The following CSNK2A2 variants were observed in gnomAD, a reference collection of about 807,000 sequenced individuals.
CSNK2A2 encodes the protein casein kinase 2 alpha 2, also known as casein kinase II subunit alpha'.
CSNK2A2 carries 8 observed loss-of-function variants against 54.0 expected under a neutral mutation model. That is an observed-to-expected ratio of 0.15 (90% CI 0.09 to 0.27). The LOEUF is 0.27. Among genes scored for constraint, CSNK2A2 ranks in the 10% least tolerant of loss-of-function variants. The pLI, the probability that CSNK2A2 is intolerant of heterozygous loss-of-function variation, is 1.00. For missense variants in CSNK2A2, 242 were observed against 439.4 expected, an observed-to-expected ratio of 0.55 and a Z score of 4.02; for synonymous variants, 141 against 153.9, an observed-to-expected ratio of 0.92 and a Z score of 0.62.
chr16:58,168,485 C>A, intron 6 of CSNK2A2, 125 bp downstream of exon 6: 1 of 649,362 alleles, frequency 1.5e-6, no homozygotes, highest in South Asian at 1.9e-5. Flanking sequence ...TGGGAGAAAT[C>A]ACAGTAACGA....
At chr16:58,168,423 G>A (rs1036549503) in intron 6 of CSNK2A2, among the ~76,000 whole-genome samples, 187 bp downstream of exon 6, 6 of 152,148 alleles carry the variant, frequency 3.9e-5, no homozygotes, top group South Asian at 2.1e-4. Context: ...TAGTTAAACC[G>A]TCTACTTTCC....
intron 11 of CSNK2A2, among the ~76,000 whole-genome samples, chr16:58,158,682 G>A (rs1176615254): frequency 1.3e-5 from 2 of 152,180 alleles, no homozygotes; most frequent in East Asian, 3.9e-4. Context: ...AGAGCCTCTT[G>A]ACCATTCTGT....
chr16:58,180,754 C>T (rs576701279), intron 4 of CSNK2A2, among the ~76,000 whole-genome samples: 5 of 152,186 alleles, frequency 3.3e-5, no homozygotes, highest in Admixed American at 2.6e-4. Flanking sequence ...GAATGGGCTG[C>T]GGGCTGCATC....
At chr16:58,168,515 C>A in intron 6 of CSNK2A2, 95 bp downstream of exon 6, 1 of 989,766 alleles carries the variant, frequency 1.0e-6, no homozygotes. Flanking sequence ...AAAAAACCCA[C>A]CACGGGTCTA....
chr16:58,182,765 C>T (rs1266710624), intron 4 of CSNK2A2, among the ~76,000 whole-genome samples: 1 of 152,162 alleles, frequency 6.6e-6, no homozygotes, highest in Non-Finnish European at 1.5e-5. Context: ...GACATGCACA[C>T]ACATTCCCAC....
intron 2 of CSNK2A2, among the ~76,000 whole-genome samples, chr16:58,195,309 CTT>C (rs1217983818): frequency 6.6e-6 from 1 of 152,132 alleles, no homozygotes; most frequent in Non-Finnish European, 1.5e-5. Flanking sequence ...ACACAAATAA[CTT>C]TGCTTTTTCT....
intron 2 of CSNK2A2, among the ~76,000 whole-genome samples, chr16:58,191,920 A>G (rs547205786): frequency 6.6e-6 from 1 of 152,322 alleles, no homozygotes; most frequent in African/African-American, 2.4e-5. Context: ...CAAGGCACAG[A>G]GAACTTAAGT....
At position 58,189,213 on chromosome 16, in the gene CSNK2A2, C is replaced by T. The variant is rs574026070; in HGVS notation, c.217-2357G>A. ...TCAGGTGATCCGCCTGCCTCAGCCTCCCAAAGTGCTGGGATTACAGGCATG... is the reference window on the plus strand; with the variant it reads ...TCAGGTGATCCGCCTGCCTCAGCCTTCCAAAGTGCTGGGATTACAGGCATG... On this transcript the variant is annotated intron_variant, in intron 2 of 11. Coordinates refer to ENST00000262506, the MANE Select transcript of CSNK2A2 (RefSeq NM_001896.4). 7.9e-5 allele frequency among the ~76,000 whole-genome samples: 12 copies of T among 152,252 alleles called. No individual in the cohort carries two copies. The South Asian group carries it at 2.5e-3, about 32-fold the overall frequency.
chr16:58,175,909 T>C (rs1217255543), intron 4 of CSNK2A2, among the ~76,000 whole-genome samples: 1 of 152,198 alleles, frequency 6.6e-6, no homozygotes, highest in Non-Finnish European at 1.5e-5. Flanking sequence ...CTGACCCCCA[T>C]TCAGGCAGAA....
In CSNK2A2 at chr16:58,194,662, A is replaced by G. The variant is rs191956061; in HGVS notation, c.216+2071T>C. 4.3e-3 allele frequency among the ~76,000 whole-genome samples: 656 copies of G among 152,344 alleles called. 4 individuals carry two copies. The highest frequency in any genetic ancestry group is 7.7e-3 in the South Asian group (37 of 4,832). ...CCAGTGCTAAAATGAACAGTAAGAG[A>G]TATGAAGAAATAGGAAACAGGAGTT... On this transcript the variant is annotated intron_variant, in intron 2 of 11. Transcript: ENST00000262506.
At chr16:58,180,665 C>T (rs1962013240) in intron 4 of CSNK2A2, among the ~76,000 whole-genome samples, 1 of 151,994 alleles carries the variant, frequency 6.6e-6, no homozygotes, top group Admixed American at 6.6e-5. Flanking sequence ...TGATAGCAAA[C>T]TTAGAGAAGG....
chr16:58,184,022 A>G (rs1597121147), intron 4 of CSNK2A2, among the ~76,000 whole-genome samples: 1 of 152,190 alleles, frequency 6.6e-6, no homozygotes, highest in Non-Finnish European at 1.5e-5. Context: ...ATTAGCTTAG[A>G]CCCAGCCGAG....
intron 2 of CSNK2A2, among the ~76,000 whole-genome samples, chr16:58,193,964 T>C (rs1962374170): frequency 6.6e-6 from 1 of 152,240 alleles, no homozygotes; most frequent in African/African-American, 2.4e-5. Flanking sequence ...TTTTAGCAGC[T>C]CATTTTTGAT....
chr16:58,197,534 G>T lies in CSNK2A2; in HGVS notation c.104+99C>A. On this transcript the variant is annotated intron_variant, in intron 1 of 11. Coordinates refer to ENST00000262506, the MANE Select transcript of CSNK2A2 (RefSeq NM_001896.4). This position sits in a 1 kb window ranked among gnomAD's most constrained non-coding sequence, Gnocchi z 4.0. ...TGCCTCCCTGCGGGCCCGCGGAGGG[G>T]TCGGCGGGAGACACCACCGGGCCCG... is the stretch of plus-strand genomic sequence containing the variant. 1 of 655,728 alleles carries T rather than the reference G, an allele frequency of 1.5e-6. No individual in the cohort carries two copies. Among genetic ancestry groups the T allele is most frequent in the African/African-American group, 2.0e-5 (1 of 50,788 alleles). 40.6% of individuals were successfully genotyped at this position (655,728 alleles called of 1,614,324 possible).
chr16:58,166,060 G>A (rs893225452), intron 9 of CSNK2A2, among the ~76,000 whole-genome samples: 1 of 152,202 alleles, frequency 6.6e-6, no homozygotes, highest in East Asian at 1.9e-4. Flanking sequence ...GCTAGCCTCA[G>A]AAACAGGGAG....
In CSNK2A2 at chr16:58,196,857, G is replaced by C. The variant is rs186788267; in HGVS notation, c.105-13C>G. On this transcript the variant is annotated splice_polypyrimidine_tract_variant and intron_variant, in intron 1 of 11. Coordinates refer to ENST00000262506, the MANE Select transcript of CSNK2A2 (RefSeq NM_001896.4). The stretch of plus-strand genomic sequence containing the variant: ...ATCATCTTGATTACTGTAAAAGGAA[G>C]ACACACACATAAATGCCAGGACTGG... 3.3e-6 allele frequency: 5 copies of C among 1,532,746 alleles called. No homozygotes were observed. Among genetic ancestry groups the C allele is most frequent in the East Asian group, 2.2e-5 (1 of 44,504 alleles). 94.9% of individuals were successfully genotyped at this position (1,532,746 alleles called of 1,614,324 possible).
chr16:58,166,707 CA>C (rs1219494707), intron 8 of CSNK2A2, 23 bp from the exon 9 acceptor site: 2 of 1,550,232 alleles, frequency 1.3e-6, no homozygotes, highest in African/African-American at 2.7e-5. Flanking sequence ...ACAAACTGAC[CA>C]AATCACTGAG....
intron 5 of CSNK2A2, among the ~76,000 whole-genome samples, chr16:58,169,188 G>A (rs529707914): frequency 2.0e-5 from 3 of 151,850 alleles, no homozygotes; most frequent in African/African-American, 7.3e-5. Context: ...GGCCTCCCAA[G>A]GTACTGGGAT....
At chr16:58,186,644 G>A in intron 3 of CSNK2A2, 111 bp downstream of exon 3, 1 of 749,960 alleles carries the variant, frequency 1.3e-6, no homozygotes, top group Non-Finnish European at 2.2e-6. Context: ...AGTAGTTAAA[G>A]ACAAACACCA....
Sources: allele counts gnomAD v4.1 joint callset (sites outside exome capture counted in the v4.1 genomes callset), GRCh38; gene constraint gnomAD v4.1.1; non-coding constraint Gnocchi (gnomAD v3.1); transcripts MANE v1.5; gene names NCBI Gene and HGNC (gene_info 2026-07-23, HGNC 2026-07-21).